Variants in HAS2 observed in about 807,000 individuals in gnomAD.
HAS2 encodes the protein HA synthase 2.
A neutral mutation model predicts 51.6 loss-of-function variants in HAS2; 16 were observed. The ratio of observed to expected loss-of-function variants is 0.31; its 90% confidence interval spans 0.21 to 0.47. The LOEUF (loss-of-function observed/expected upper bound fraction) is 0.47. Among genes scored for constraint, HAS2 ranks in the 20% least tolerant of loss-of-function variants. The probability of loss-of-function intolerance (pLI) is 1.00; values close to 1 mark genes in which losing one functional copy is unlikely to be tolerated. For synonymous variants in HAS2, 228 were observed against 235.5 expected (o/e 0.97, Z 0.29); for missense variants, 361 against 662.6 (o/e 0.54, Z 5.00).
At chr8:121,636,947 C>A (rs974842796) in intron 1 of HAS2, among the ~76,000 whole-genome samples, 2 of 152,170 alleles carry the variant, frequency 1.3e-5, no homozygotes, top group African/African-American at 2.4e-5. Flanking sequence ...TCCAAGAATT[C>A]TTGGATTAAA....
At chr8:121,633,442 C>A (rs1049621009) in intron 1 of HAS2, among the ~76,000 whole-genome samples, 6 of 152,072 alleles carry the variant, frequency 3.9e-5, no homozygotes, top group Admixed American at 2.6e-4. Flanking sequence ...CCACACCCAG[C>A]CTGAAAATTG....
At chr8:121,624,035 C>A (rs947875415) in intron 2 of HAS2, among the ~76,000 whole-genome samples, 1 of 152,200 alleles carries the variant, frequency 6.6e-6, no homozygotes, top group Non-Finnish European at 1.5e-5. Flanking sequence ...GAACCTCTGG[C>A]CACAACATTT....
At chr8:121,633,886 G>A (rs1484499376) in intron 1 of HAS2, among the ~76,000 whole-genome samples, 1 of 151,040 alleles carries the variant, frequency 6.6e-6, no homozygotes, top group East Asian at 1.9e-4. Context: ...GTTCAATGGA[G>A]TTACCCTAGT....
In HAS2 at chr8:121,626,238, G is replaced by A. The variant is rs538117529; in HGVS notation, c.627+2476C>T. ...GTACTTTTGACTTTCTCTTTAGTAG[G>A]AGGCAAGGTCATCTGTTAGTAGTTA... On this transcript the variant is annotated intron_variant, in intron 2 of 3. Coordinates refer to ENST00000303924, the MANE Select transcript of HAS2 (RefSeq NM_005328.3). 3.3e-5 allele frequency among the ~76,000 whole-genome samples: 5 copies of A among 152,320 alleles called. No individual in the cohort carries two copies. In the South Asian group the frequency reaches 1.0e-3, roughly 32 times the overall value.
At chr8:121,639,111 T>C (rs191154477) in intron 1 of HAS2, among the ~76,000 whole-genome samples, 1 of 152,298 alleles carries the variant, frequency 6.6e-6, no homozygotes, top group Non-Finnish European at 1.5e-5. Context: ...AGCAGTGAAG[T>C]TGTCTCCCTC....
intron 1 of HAS2, among the ~76,000 whole-genome samples, chr8:121,632,593 A>G (rs1398882038): frequency 1.3e-5 from 2 of 152,176 alleles, no homozygotes; most frequent in African/African-American, 4.8e-5. Flanking sequence ...CTATACTATA[A>G]TGTATATCAT....
At chr8:121,630,069 A>T (rs943075376) in intron 1 of HAS2, among the ~76,000 whole-genome samples, 1 of 150,974 alleles carries the variant, frequency 6.6e-6, no homozygotes, top group Non-Finnish European at 1.5e-5. Flanking sequence ...ATGTCTATTA[A>T]AGCCCCGTAA....
intron 1 of HAS2, among the ~76,000 whole-genome samples, chr8:121,633,076 TAATAA>T (rs1351831229): frequency 6.6e-6 from 1 of 151,902 alleles, no homozygotes; most frequent in East Asian, 1.9e-4. Flanking sequence ...CGTTTCTGGC[TAATAA>T]AATGTCATCG....
chr8:121,629,942 C>G (rs1447936136), intron 1 of HAS2, among the ~76,000 whole-genome samples: 2 of 152,104 alleles, frequency 1.3e-5, no homozygotes, highest in Non-Finnish European at 1.5e-5. Context: ...GTCACCATAC[C>G]TCTCTGGGTC....
chr8:121,613,439 A>G lies in HAS2; in HGVS notation c.*670T>C, dbSNP rs1269447482. On this transcript the variant is annotated 3_prime_UTR_variant, in exon 4 of 4. Coordinates refer to ENST00000303924, the MANE Select transcript of HAS2 (RefSeq NM_005328.3). Reference sequence around the variant, plus strand: ...AAACATTTTATTCTTTCTATCATGAACATCAGTCAACCAAGCTTCACATTT... The same window carrying G: ...AAACATTTTATTCTTTCTATCATGAGCATCAGTCAACCAAGCTTCACATTT... 6.6e-6 allele frequency: 1 copy of G among 152,630 alleles called. No homozygotes were observed. Among genetic ancestry groups the G allele is most frequent in the Non-Finnish European group, 1.5e-5 (1 of 68,040 alleles). 9.5% of individuals were successfully genotyped at this position (152,630 alleles called of 1,614,324 possible). A position where few individuals can be genotyped will look rare whatever the true frequency, so the allele number is the denominator to read the frequency against.
intron 2 of HAS2, among the ~76,000 whole-genome samples, chr8:121,621,054 T>TA (rs1199923321): frequency 1.3e-5 from 2 of 152,176 alleles, no homozygotes; most frequent in African/African-American, 4.8e-5. Context: ...ATTGACTAGT[T>TA]ACAACAGAGA....
chr8:121,635,651 C>T (rs951120455), intron 1 of HAS2, among the ~76,000 whole-genome samples: 3 of 152,238 alleles, frequency 2.0e-5, no homozygotes, highest in African/African-American at 7.2e-5. Flanking sequence ...GTAAAGTACA[C>T]TTGCGCCTCT....
intron 1 of HAS2, chr8:121,640,183 A>T (rs1397416531): frequency 6.6e-6 from 1 of 152,146 alleles, no homozygotes; most frequent in African/African-American, 2.4e-5. Flanking sequence ...GCCCAGACTG[A>T]CGAGCCTGAC....
chr8:121,630,160 C>T (rs1194465426), intron 1 of HAS2, among the ~76,000 whole-genome samples: 1 of 152,132 alleles, frequency 6.6e-6, no homozygotes, highest in African/African-American at 2.4e-5. Context: ...TCCTGAGCAT[C>T]ATGAACCTTA....
In HAS2 at chr8:121,631,960, G is replaced by T. The variant is rs144051416; in HGVS notation, c.1-2620C>A. Reference sequence around the variant, plus strand: ...TTTTATCAGCACACGTGGACATAGAGAGTGTTGACATAGCATCTGCTGGCC... The same window carrying T: ...TTTTATCAGCACACGTGGACATAGATAGTGTTGACATAGCATCTGCTGGCC... On this transcript the variant is annotated intron_variant, in intron 1 of 3. Transcript: ENST00000303924. Among the ~76,000 whole-genome samples the T allele has an allele frequency of 7.8e-3, 1,190 of 152,334 alleles. 10 individuals carry two copies. The highest frequency in any genetic ancestry group is 0.015 in the Admixed American group (232 of 15,302).
Position 121,614,616 on chromosome 8 carries a change from T to C in HAS2, c.1152A>G (p.Gly384=), listed in dbSNP as rs535277719. ...TGGCAATGAGAAAGAAAGGAAAGAATCCAGTGATAATCGCTTCGTAGGTCA... is the reference window on the plus strand; with the variant it reads ...TGGCAATGAGAAAGAAAGGAAAGAACCCAGTGATAATCGCTTCGTAGGTCA... The part of the protein sequence containing the change: ...LWMTYEAIIT[G]FFPFFLIATV... The change falls in exon 4 of 4, where the codon GGA becomes GGG. Residue 384 remains glycine, a synonymous_variant. Coordinates refer to ENST00000303924, the MANE Select transcript of HAS2 (RefSeq NM_005328.3). This position sits in a 1 kb window ranked among gnomAD's most constrained non-coding sequence, Gnocchi z 7.2. The C allele has an allele frequency of 6.2e-7, 1 of 1,613,670 alleles. No homozygotes were observed. Among genetic ancestry groups the C allele is most frequent in the African/African-American group, 1.3e-5 (1 of 75,024 alleles).
At chr8:121,631,416 G>A (rs999251826) in intron 1 of HAS2, among the ~76,000 whole-genome samples, 1 of 152,194 alleles carries the variant, frequency 6.6e-6, no homozygotes, top group African/African-American at 2.4e-5. Context: ...GTGGTGAGGA[G>A]CAAAATGGAA....
chr8:121,623,992 G>C (rs992855466), intron 2 of HAS2, among the ~76,000 whole-genome samples: 4 of 152,160 alleles, frequency 2.6e-5, no homozygotes, highest in Non-Finnish European at 5.9e-5. Context: ...CTGAAAATGT[G>C]CTTCTAGCAG....
intron 1 of HAS2, 128 bp downstream of exon 1, chr8:121,640,725 T>C (rs1460371664): frequency 6.6e-6 from 1 of 152,190 alleles, no homozygotes; most frequent in Admixed American, 6.5e-5. Context: ...CTGTTGGAAA[T>C]TTTTAAACTT....
Sources: gnomAD v4.1 joint callset for allele counts (sites outside exome capture counted in the v4.1 genomes callset) on GRCh38, gnomAD v4.1.1 for gene constraint, Gnocchi (gnomAD v3.1) non-coding constraint, MANE v1.5 for transcripts, NCBI Gene and HGNC (gene_info 2026-07-23, HGNC 2026-07-21) for gene names.